PREP: variants seen among roughly 807,000 people sequenced by gnomAD.
PREP encodes dJ355L5.1 (prolyl endopeptidase).
In PREP, 29 loss-of-function variants were observed where a neutral mutation model predicts 87.6. That is an observed-to-expected ratio of 0.33 (90% CI 0.25 to 0.45). The LOEUF (loss-of-function observed/expected upper bound fraction) is 0.45. Among genes scored for constraint, PREP ranks in the 20% least tolerant of loss-of-function variants. PREP has a pLI of 1.00. For missense variants in PREP, 695 were observed against 886.5 expected, an observed-to-expected ratio of 0.78 and a Z score of 2.74; for synonymous variants, 337 against 328.6, an observed-to-expected ratio of 1.03 and a Z score of -0.28.
At chr6:105,378,161 T>G (rs748336073) in intron 2 of PREP, among the ~76,000 whole-genome samples, 5 of 152,100 alleles carry the variant, frequency 3.3e-5, no homozygotes, top group African/African-American at 1.2e-4. Flanking sequence ...CCAAAGAACA[T>G]TGAAAAAACA....
chr6:105,316,221 G>A (rs1052717046), intron 10 of PREP, among the ~76,000 whole-genome samples: 1 of 152,090 alleles, frequency 6.6e-6, no homozygotes, highest in Admixed American at 6.5e-5. Context: ...CCTTGCATTT[G>A]AACATTTGGA....
chr6:105,360,202 T>C (rs2114692787), intron 6 of PREP, among the ~76,000 whole-genome samples: 1 of 152,298 alleles, frequency 6.6e-6, no homozygotes, highest in South Asian at 2.1e-4. Flanking sequence ...AAGTACACAC[T>C]TAAGAATGTG....
intron 10 of PREP, among the ~76,000 whole-genome samples, chr6:105,316,903 CTA>C (rs1357839873): frequency 6.6e-6 from 1 of 151,054 alleles, no homozygotes; most frequent in Non-Finnish European, 1.5e-5. Context: ...GGTGTAGAAA[CTA>C]TAGTTTTTAG....
intron 10 of PREP, among the ~76,000 whole-genome samples, chr6:105,311,739 C>T (rs910851622): frequency 5.9e-5 from 9 of 152,170 alleles, no homozygotes; most frequent in Non-Finnish European, 1.0e-4. Flanking sequence ...AACAAACTGA[C>T]GGGATGAATG....
chr6:105,289,111 C>A (rs1190486252), intron 10 of PREP, among the ~76,000 whole-genome samples: 1 of 152,184 alleles, frequency 6.6e-6, no homozygotes, highest in Non-Finnish European at 1.5e-5. Flanking sequence ...GGGAGACCTG[C>A]ATTTGAATTC....
chr6:105,380,224 G>A (rs1489545979), intron 2 of PREP, among the ~76,000 whole-genome samples: 1 of 152,148 alleles, frequency 6.6e-6, no homozygotes, highest in Non-Finnish European at 1.5e-5. Flanking sequence ...ACCATGCAAG[G>A]TGGGGCAGAA....
At chr6:105,345,341 T>A (rs1771768404) in intron 7 of PREP, among the ~76,000 whole-genome samples, 1 of 152,224 alleles carries the variant, frequency 6.6e-6, no homozygotes, top group African/African-American at 2.4e-5. Flanking sequence ...GAAATTTCAA[T>A]TCCCAAACCT....
intron 10 of PREP, among the ~76,000 whole-genome samples, chr6:105,301,592 G>A (rs1400561194): frequency 6.6e-6 from 1 of 152,206 alleles, no homozygotes; most frequent in East Asian, 1.9e-4. Context: ...GTAGAGAGGA[G>A]TTTAAGAGTC....
chr6:105,323,518 T>C (rs1478750244), intron 10 of PREP, 147 bp downstream of exon 10: 1 of 728,126 alleles, frequency 1.4e-6, no homozygotes, highest in East Asian at 2.7e-5. Flanking sequence ...CCTGAGTGTT[T>C]GGCTCAATGA....
At chr6:105,351,248 T>C (rs1428056052) in intron 7 of PREP, among the ~76,000 whole-genome samples, 1 of 152,218 alleles carries the variant, frequency 6.6e-6, no homozygotes, top group East Asian at 1.9e-4. Flanking sequence ...ACTCAATCAG[T>C]TGGAAGGCCT....
At chr6:105,326,322 A>T (rs1771157948) in intron 9 of PREP, among the ~76,000 whole-genome samples, 1 of 152,166 alleles carries the variant, frequency 6.6e-6, no homozygotes, top group South Asian at 2.1e-4. Flanking sequence ...TCACCGGTTC[A>T]ACCACTAAGT....
At chr6:105,284,529 G>C (rs1458383059) in intron 12 of PREP, among the ~76,000 whole-genome samples, 1 of 152,150 alleles carries the variant, frequency 6.6e-6, no homozygotes, top group Non-Finnish European at 1.5e-5. Context: ...TGATGCTGAG[G>C]AGACCCCTCT....
At chr6:105,386,286 A>G (rs555651070) in intron 2 of PREP, among the ~76,000 whole-genome samples, 1 of 152,312 alleles carries the variant, frequency 6.6e-6, no homozygotes, top group South Asian at 2.1e-4. Flanking sequence ...ATTAGTTGCT[A>G]GAGGGAGCAG....
At chr6:105,382,072 T>C (rs1388600403) in intron 2 of PREP, among the ~76,000 whole-genome samples, 1 of 152,004 alleles carries the variant, frequency 6.6e-6, no homozygotes, top group Non-Finnish European at 1.5e-5. Context: ...GAATACCTCA[T>C]GCTCTCACTT....
At chr6:105,313,061 G>A (rs187040289) in intron 10 of PREP, among the ~76,000 whole-genome samples, 2 of 152,190 alleles carry the variant, frequency 1.3e-5, no homozygotes, top group Non-Finnish European at 2.9e-5. Context: ...ATCTTACATT[G>A]AGTCAGCACA....
intron 10 of PREP, among the ~76,000 whole-genome samples, chr6:105,292,024 G>A (rs1021357459): frequency 3.9e-5 from 6 of 152,184 alleles, no homozygotes; most frequent in African/African-American, 1.4e-4. Flanking sequence ...TCTAATTCTC[G>A]TTCTCTTGCT....
At chr6:105,281,687 G>T in intron 14 of PREP, 59 bp downstream of exon 14, 2 of 1,562,846 alleles carry the variant, frequency 1.3e-6, no homozygotes, top group South Asian at 2.4e-5. Flanking sequence ...ATCCTGCTGT[G>T]ACTGTGTTCA....
In PREP at chr6:105,317,981, C is replaced by G. The variant is rs74810300; in HGVS notation, c.1317+5684G>C. 4.4e-3 allele frequency among the ~76,000 whole-genome samples: 676 copies of G among 152,186 alleles called. 9 individuals carry two copies. The highest frequency in any genetic ancestry group is 0.04 in the East Asian group (209 of 5,166). ...ATCTGAAAATTCTATTTTTTAGGAG[C>G]CTTCATTTTTCCAATCCTGATCCTG... On this transcript the variant is annotated intron_variant, in intron 10 of 14. Coordinates refer to ENST00000652536, the MANE Select transcript of PREP (RefSeq NM_002726.5).
rs138817106 is a variant in PREP, at chr6:105,275,369, A to G, written c.*2775T>C. On this transcript the variant is annotated 3_prime_UTR_variant, in exon 15 of 15. Transcript: ENST00000652536. ...TGGGAGTATTTAAGAAACATGATTAATTGGAAAGTTTTATAATATTCCAGG... is the reference window on the plus strand; with the variant it reads ...TGGGAGTATTTAAGAAACATGATTAGTTGGAAAGTTTTATAATATTCCAGG... Among the ~76,000 whole-genome samples the G allele has an allele frequency of 1.1e-4, 16 of 152,332 alleles. 1 individual carries two copies. The East Asian group carries it at 3.1e-3, about 29-fold the overall frequency.
Sources: gnomAD v4.1 joint callset for allele counts (sites outside exome capture counted in the v4.1 genomes callset) on GRCh38, gnomAD v4.1.1 for gene constraint, MANE v1.5 for transcripts, NCBI Gene and HGNC (gene_info 2026-07-23, HGNC 2026-07-21) for gene names.